ADGRB3: variants seen among roughly 807,000 people sequenced by gnomAD.
ADGRB3 encodes adhesion G protein-coupled receptor B3.
ADGRB3 carries 37 observed loss-of-function variants against 193.4 expected under a neutral mutation model. That is an observed-to-expected ratio of 0.19 (90% confidence interval 0.15 to 0.25). ADGRB3 has a LOEUF of 0.25. ADGRB3 is among the 10% of genes least tolerant of loss of function. The pLI is 1.00. For synonymous variants in ADGRB3, 690 were observed against 644.2 expected (o/e 1.07, Z -1.08); for missense variants, 1,637 against 1,852.9 (o/e 0.88, Z 2.14).
chr6:69,038,481 A>G (rs1689535039), intron 13 of ADGRB3, among the ~76,000 whole-genome samples: 5 of 152,128 alleles, frequency 3.3e-5, no homozygotes, highest in Non-Finnish European at 1.5e-5. Context: ...GGGGGAATTT[A>G]TTTCCTAAGG....
chr6:68,995,042 G>A lies in ADGRB3; in HGVS notation c.1929+1080G>A, dbSNP rs185755674. Among the ~76,000 whole-genome samples, 545 of 152,204 alleles carry A rather than the reference G, an allele frequency of 3.6e-3. 1 individual carries two copies. The highest frequency in any genetic ancestry group is 0.012 in the African/African-American group (478 of 41,536). ...ATATACTGCTGAAAGAAACTGCTAC[G>A]AGAATTATTGGTGCTGAATTCTATA... is the stretch of plus-strand genomic sequence containing the variant. On this transcript the variant is annotated intron_variant, in intron 11 of 31. Transcript: ENST00000370598.
chr6:68,732,926 C>T (rs1765799941), intron 3 of ADGRB3, among the ~76,000 whole-genome samples: 1 of 151,906 alleles, frequency 6.6e-6, no homozygotes, highest in Admixed American at 6.6e-5. Flanking sequence ...GTTTCTGATC[C>T]AGTAAGATTG....
intron 3 of ADGRB3, among the ~76,000 whole-genome samples, chr6:68,752,219 T>C (rs1216005170): frequency 6.6e-6 from 1 of 151,642 alleles, no homozygotes; most frequent in African/African-American, 2.4e-5. Flanking sequence ...GTTAAGATAG[T>C]ATAGGAATTG....
chr6:68,839,677 C>T (rs1234773557), intron 3 of ADGRB3, among the ~76,000 whole-genome samples: 8 of 152,140 alleles, frequency 5.3e-5, no homozygotes, highest in Admixed American at 4.6e-4. Context: ...ACTGATCATC[C>T]TCCTTGCAGA....
intron 3 of ADGRB3, among the ~76,000 whole-genome samples, chr6:68,678,757 T>G (rs1159295245): frequency 6.6e-6 from 1 of 152,166 alleles, no homozygotes; most frequent in African/African-American, 2.4e-5. Context: ...TGATTTTTGT[T>G]ACGTAAGATT....
chr6:68,781,869 C>T (rs1226212104), intron 3 of ADGRB3, among the ~76,000 whole-genome samples: 1 of 152,078 alleles, frequency 6.6e-6, no homozygotes, highest in South Asian at 2.1e-4. Flanking sequence ...AACATAGCTT[C>T]AGTGTACCAC....
At chr6:68,881,368 T>C (rs896331981) in intron 3 of ADGRB3, among the ~76,000 whole-genome samples, 1 of 152,162 alleles carries the variant, frequency 6.6e-6, no homozygotes, top group South Asian at 2.1e-4. Context: ...AATATATGCC[T>C]TTTTTCCACA....
At chr6:69,323,755 A>G (rs1444727079) in intron 20 of ADGRB3, among the ~76,000 whole-genome samples, 1 of 152,106 alleles carries the variant, frequency 6.6e-6, no homozygotes, top group Non-Finnish European at 1.5e-5. Context: ...GATTAGAAGA[A>G]CTGGCGAACT....
chr6:69,031,357 T>C (rs1243301852), intron 13 of ADGRB3, among the ~76,000 whole-genome samples: 1 of 149,960 alleles, frequency 6.7e-6, no homozygotes, highest in Non-Finnish European at 1.5e-5. Context: ...AGGAGAATGA[T>C]GTGAACCCGG....
chr6:69,034,108 G>A (rs931922056), intron 13 of ADGRB3, among the ~76,000 whole-genome samples: 1 of 151,962 alleles, frequency 6.6e-6, no homozygotes, highest in African/African-American at 2.4e-5. Context: ...ACTATAAAAT[G>A]TTTAGTAAGC....
intron 20 of ADGRB3, among the ~76,000 whole-genome samples, chr6:69,313,503 A>G (rs775338368): frequency 9.9e-5 from 15 of 151,800 alleles, no homozygotes; most frequent in Non-Finnish European, 1.5e-4. Flanking sequence ...AGGCCTAGGA[A>G]TCTCAGCATC....
intron 17 of ADGRB3, among the ~76,000 whole-genome samples, chr6:69,192,234 C>T (rs1198279781): frequency 2.0e-5 from 3 of 152,148 alleles, no homozygotes; most frequent in Non-Finnish European, 2.9e-5. Context: ...GTGCAGCCTT[C>T]AGTCTGCGGT....
At chr6:68,708,498 C>T (rs572250954) in intron 3 of ADGRB3, among the ~76,000 whole-genome samples, 1 of 152,174 alleles carries the variant, frequency 6.6e-6, no homozygotes, top group South Asian at 2.1e-4. Flanking sequence ...AAATGACATT[C>T]TCCAGTGAAA....
chr6:69,167,549 T>A (rs1354490842), intron 17 of ADGRB3, among the ~76,000 whole-genome samples: 1 of 152,178 alleles, frequency 6.6e-6, no homozygotes, highest in Non-Finnish European at 1.5e-5. Context: ...ACCAAACATC[T>A]AAATTTAGAG....
At chr6:68,971,146 G>C (rs763193471) in intron 8 of ADGRB3, among the ~76,000 whole-genome samples, 1 of 150,376 alleles carries the variant, frequency 6.6e-6, no homozygotes, top group Non-Finnish European at 1.5e-5. Context: ...TTTCATCTCT[G>C]TGGATTGAAC....
chr6:69,267,003 T>C (rs1333212750), intron 20 of ADGRB3, among the ~76,000 whole-genome samples: 1 of 152,102 alleles, frequency 6.6e-6, no homozygotes, highest in African/African-American at 2.4e-5. Context: ...ATGCCCTTTG[T>C]GCAAGATTAT....
chr6:69,109,695 A>G (rs1199413080), intron 17 of ADGRB3, among the ~76,000 whole-genome samples: 1 of 152,128 alleles, frequency 6.6e-6, no homozygotes, highest in Non-Finnish European at 1.5e-5. Flanking sequence ...AACCCTCTAT[A>G]CTAGAGATGG....
rs1244310352 is a variant in ADGRB3, at chr6:69,236,499, G to T, written c.2711+1364G>T. On this transcript the variant is annotated intron_variant, in intron 19 of 31. Transcript: ENST00000370598. ...GTCTCAGTAATGCAAAAGCAAGAAG[G>T]ATAAACATTTGAAAAGTAGACAACT... is the stretch of plus-strand genomic sequence containing the variant. Among the ~76,000 whole-genome samples the T allele has an allele frequency of 3.3e-5, 5 of 151,956 alleles. No homozygotes were observed. The East Asian group carries it at 9.6e-4, about 29-fold the overall frequency.
intron 10 of ADGRB3, among the ~76,000 whole-genome samples, chr6:68,981,513 GTATTGACTT>G (rs1297819512): frequency 1.3e-5 from 2 of 151,594 alleles, no homozygotes; most frequent in Non-Finnish European, 3.0e-5. Flanking sequence ...ACTTTCAATT[GTATTGACTT>G]TATGTATTGT....
Sources: allele counts gnomAD v4.1 joint callset (sites outside exome capture counted in the v4.1 genomes callset), GRCh38; gene constraint gnomAD v4.1.1; transcripts MANE v1.5; gene names NCBI Gene and HGNC (gene_info 2026-07-23, HGNC 2026-07-21).